SPTBN1: variants seen among roughly 807,000 people sequenced by gnomAD.
SPTBN1 encodes spectrin beta, non-erythrocytic 1, also known as spectrin beta chain, non-erythrocytic 1.
In SPTBN1, 32 loss-of-function variants were observed where a neutral mutation model predicts 266.4. The ratio of observed to expected loss-of-function variants is 0.12; its 90% CI spans 0.09 to 0.16. The LOEUF is 0.16. Among genes scored for constraint, SPTBN1 ranks in the 10% least tolerant of loss-of-function variants. SPTBN1 has a pLI of 1.00. For missense variants in SPTBN1, 2,296 were observed against 3,067.1 expected (o/e 0.75, Z 5.94); for synonymous variants, 1,336 against 1,162.2 (o/e 1.15, Z -3.04).
intron 32 of SPTBN1, chr2:54,663,755 AACCC>A (rs1413046707): frequency 3.3e-5 from 5 of 152,220 alleles, no homozygotes; most frequent in Non-Finnish European, 7.3e-5. Flanking sequence ...CACAAACTAC[AACCC>A]ACTCACGATA....
intron 17 of SPTBN1, 71 bp from the exon 18 acceptor site, chr2:54,637,642 T>A: frequency 1.7e-6 from 2 of 1,208,332 alleles, no homozygotes; most frequent in Non-Finnish European, 2.4e-6. Flanking sequence ...GGAAATAAAT[T>A]GATTTGTATT....
Position 54,558,133 on chromosome 2 carries a change from CTGTT to C in SPTBN1, c.148+31570_148+31573del. The C allele has an allele frequency of 1.0e-6, 1 of 985,388 alleles. No homozygotes were observed. The highest frequency in any genetic ancestry group is 1.2e-6 in the Non-Finnish European group (1 of 829,910). 61.0% of individuals were successfully genotyped at this position (985,388 alleles called of 1,614,324 possible). On this transcript the variant is annotated intron_variant, in intron 2 of 35. Coordinates refer to ENST00000356805, the MANE Select transcript of SPTBN1 (RefSeq NM_003128.3). The surrounding 1 kb of genome is among the most constrained non-coding windows in gnomAD (Gnocchi z 4.6). ...ACAAAAGATTGTAATTCCAGCAGCT[CTGTT>C]TGGGAAGGCACTACCGCGGCGAGTC...
intron 27 of SPTBN1, among the ~76,000 whole-genome samples, chr2:54,654,360 A>G (rs1161368278): frequency 6.6e-6 from 1 of 152,170 alleles, no homozygotes. Flanking sequence ...TTTGTCCTAT[A>G]TCTTTGGCTT....
intron 17 of SPTBN1, 77 bp downstream of exon 17, chr2:54,632,845 T>G: frequency 6.6e-7 from 1 of 1,508,794 alleles, no homozygotes; most frequent in Non-Finnish European, 9.0e-7. Flanking sequence ...CCAGAAGCCC[T>G]TGGGAGTTTA....
chr2:54,574,599 C>T (rs2104538567), intron 2 of SPTBN1, among the ~76,000 whole-genome samples: 1 of 152,308 alleles, frequency 6.6e-6, no homozygotes, highest in Admixed American at 6.5e-5. Flanking sequence ...CCATCAGTTG[C>T]TGATAAGCTG....
Position 54,632,613 on chromosome 2 carries a change from T to G in SPTBN1, c.3612T>G (p.Ala1204=), listed in dbSNP as rs749025479. 1.2e-6 allele frequency: 2 copies of G among 1,614,192 alleles called. No homozygotes were observed. The highest frequency in any genetic ancestry group is 1.1e-5 in the South Asian group (1 of 91,080). The change falls in exon 17 of 36, where the codon GCT becomes GCG. Residue 1204 remains alanine, a synonymous_variant. Transcript: ENST00000356805. ...AAATGCCTACCACCTTGGAAGGAGC[T>G]GAAGCAGCAATTAAAAAGCAAGAGG... ...HTEMPTTLEG[A]EAAIKKQEDF...
At chr2:54,658,850 T>A (rs1239233053) in intron 30 of SPTBN1, among the ~76,000 whole-genome samples, 1 of 152,202 alleles carries the variant, frequency 6.6e-6, no homozygotes, top group Admixed American at 6.5e-5. Flanking sequence ...GCTCAGGTAC[T>A]TTTCTCCTCA....
chr2:54,663,710 T>C (rs1316148085), intron 32 of SPTBN1: 1 of 152,232 alleles, frequency 6.6e-6, no homozygotes, highest in Non-Finnish European at 1.5e-5. Context: ...TGTGTGGTGT[T>C]GAGTGACTGT....
chr2:54,571,696 TAG>T (rs375502422), intron 2 of SPTBN1, among the ~76,000 whole-genome samples: 18,723 of 110,904 alleles, frequency 0.17, 1,386 homozygotes, highest in Middle Eastern at 0.22. Flanking sequence ...GATAGTGTGT[TAG>T]TGTGTTTGCG....
At chr2:54,635,950 A>T (rs914405745) in intron 17 of SPTBN1, among the ~76,000 whole-genome samples, 9 of 152,172 alleles carry the variant, frequency 5.9e-5, no homozygotes, top group African/African-American at 1.2e-4. Flanking sequence ...TTATTTTTTT[A>T]AATTTAATTT....
chr2:54,506,434 A>G (rs555726172), intron 1 of SPTBN1, among the ~76,000 whole-genome samples: 8 of 151,328 alleles, frequency 5.3e-5, no homozygotes, highest in Non-Finnish European at 1.0e-4. Flanking sequence ...AGATGACTCA[A>G]TCTACAAGAG....
chr2:54,512,707 A>C (rs563070503), intron 1 of SPTBN1, among the ~76,000 whole-genome samples: 1 of 152,320 alleles, frequency 6.6e-6, no homozygotes, highest in African/African-American at 2.4e-5. Flanking sequence ...ATCTGAGTAA[A>C]GAGAAGGTTG....
chr2:54,576,494 T>A (rs535910665), intron 2 of SPTBN1, among the ~76,000 whole-genome samples: 7 of 152,160 alleles, frequency 4.6e-5, no homozygotes, highest in Non-Finnish European at 1.0e-4. Context: ...TTTGAAGAAG[T>A]AGTACTTTCT....
chr2:54,522,693 G>GAA (rs1558802643), intron 1 of SPTBN1, among the ~76,000 whole-genome samples: 2 of 52,602 alleles, frequency 3.8e-5, no homozygotes, highest in Admixed American at 2.4e-4. Context: ...GAGAGAGAGA[G>GAA]AGAGAGAAAG....
chr2:54,501,206 C>T (rs1023558982), intron 1 of SPTBN1, among the ~76,000 whole-genome samples: 4 of 152,204 alleles, frequency 2.6e-5, no homozygotes, highest in African/African-American at 7.2e-5. Flanking sequence ...TTCCTGTCCC[C>T]TTTACCCGAG....
intron 30 of SPTBN1, among the ~76,000 whole-genome samples, chr2:54,658,373 G>C (rs1317802318): frequency 1.3e-5 from 2 of 152,070 alleles, no homozygotes; most frequent in Non-Finnish European, 2.9e-5. Context: ...TCTCAAGGGG[G>C]CATGGCCTCA....
intron 31 of SPTBN1, 149 bp from the exon 32 acceptor site, chr2:54,659,787 T>C (rs1203563697): frequency 4.9e-6 from 7 of 1,442,156 alleles, no homozygotes; most frequent in Non-Finnish European, 6.4e-6. Context: ...TTTAAAACAC[T>C]TGGAAGTTTC....
intron 1 of SPTBN1, among the ~76,000 whole-genome samples, chr2:54,470,007 T>A (rs1183625388): frequency 6.6e-6 from 1 of 152,232 alleles, no homozygotes; most frequent in Non-Finnish European, 1.5e-5. Flanking sequence ...GTCTGTTTGC[T>A]TGTTTTTAAA....
intron 2 of SPTBN1, among the ~76,000 whole-genome samples, chr2:54,550,185 AC>A (rs1161330853): frequency 1.3e-5 from 2 of 152,316 alleles, no homozygotes; most frequent in African/African-American, 4.8e-5. Flanking sequence ...TATTTATTTT[AC>A]AGTAATCTGG....
Sources: gnomAD v4.1 joint callset for allele counts (sites outside exome capture counted in the v4.1 genomes callset) on GRCh38, gnomAD v4.1.1 for gene constraint, Gnocchi (gnomAD v3.1) non-coding constraint, MANE v1.5 for transcripts, NCBI Gene and HGNC (gene_info 2026-07-23, HGNC 2026-07-21) for gene names.